PHF24: variants seen among roughly 807,000 people sequenced by gnomAD.
PHF24 encodes PHD finger protein 24.
In PHF24, 25 loss-of-function variants were observed where a neutral mutation model predicts 42.6. The ratio of observed to expected loss-of-function variants is 0.59; its 90% CI spans 0.43 to 0.82. PHF24 has a LOEUF of 0.82. Ranked by LOEUF, PHF24 falls within the 40% of genes least tolerant of loss-of-function variation. PHF24 has a pLI of 0.00. For synonymous variants in PHF24, 185 were observed against 204.8 expected (o/e 0.90, Z 0.83); for missense variants, 470 against 538.1 (o/e 0.87, Z 1.25).
At chr9:34,740,199 G>T in the PHF24 span, among the ~76,000 whole-genome samples, 2 of 152,236 alleles carry the variant, frequency 1.3e-5, no homozygotes, top group African/African-American at 4.8e-5. Flanking sequence ...CCGGGGCTGC[G>T]GGTGGAGCTG....
the PHF24 span, chr9:34,922,174 G>A: frequency 6.3e-7 from 1 of 1,583,564 alleles, no homozygotes; most frequent in Non-Finnish European, 8.6e-7. Context: ...GACAAAAGTT[G>A]GAAGGCCGGT....
the PHF24 span, chr9:34,833,625 A>G: frequency 3.7e-5 from 57 of 1,538,224 alleles, no homozygotes; most frequent in East Asian, 1.3e-3. Context: ...CTCAGGTGGA[A>G]GTTTAGTTTG....
the PHF24 span, among the ~76,000 whole-genome samples, chr9:34,727,586 A>G: frequency 1.3e-5 from 2 of 152,208 alleles, no homozygotes; most frequent in African/African-American, 2.4e-5. Flanking sequence ...ACAGAACCGG[A>G]GGAGGTCATG....
the PHF24 span, among the ~76,000 whole-genome samples, chr9:34,683,550 C>T: frequency 6.6e-6 from 1 of 152,226 alleles, no homozygotes; most frequent in Admixed American, 6.5e-5. Context: ...GGTGTAAACA[C>T]TCCAGCCCCA....
chr9:34,827,173 C>A, the PHF24 span, among the ~76,000 whole-genome samples: 2 of 152,300 alleles, frequency 1.3e-5, no homozygotes, highest in East Asian at 3.9e-4. Context: ...TGCATGCTAA[C>A]CCCTGGCTCC....
At chr9:34,758,517 G>A in the PHF24 span, among the ~76,000 whole-genome samples, 1 of 152,068 alleles carries the variant, frequency 6.6e-6, no homozygotes, top group Non-Finnish European at 1.5e-5. The surrounding 1 kb of genome is among the most constrained non-coding windows in gnomAD (Gnocchi z 4.4). Context: ...GCTGATCCTG[G>A]TCCCAGGTTC....
chr9:34,709,538 C>A, the PHF24 span: 8 of 1,614,186 alleles, frequency 5.0e-6, no homozygotes, highest in Non-Finnish European at 6.8e-6. Flanking sequence ...TCTTGCCAGT[C>A]TTGGAGGCCC....
At chr9:34,879,547 C>T in the PHF24 span, among the ~76,000 whole-genome samples, 1 of 152,142 alleles carries the variant, frequency 6.6e-6, no homozygotes, top group Non-Finnish European at 1.5e-5. Context: ...ACAGGAACTA[C>T]GTGACGTGTG....
the PHF24 span, among the ~76,000 whole-genome samples, chr9:34,942,676 G>A: frequency 1.3e-5 from 2 of 152,094 alleles, no homozygotes; most frequent in Non-Finnish European, 2.9e-5. Context: ...GAATGCCTTT[G>A]TCGATGAGTT....
chr9:34,862,704 C>A, the PHF24 span, among the ~76,000 whole-genome samples: 7 of 152,058 alleles, frequency 4.6e-5, no homozygotes, highest in Admixed American at 3.3e-4. Flanking sequence ...CGGTGAGACT[C>A]AGCGAATTCC....
chr9:34,837,064 A>G, the PHF24 span: 13 of 471,282 alleles, frequency 2.8e-5, no homozygotes, highest in Admixed American at 2.8e-4. Flanking sequence ...GCAATAGATC[A>G]CCTTTTCATG....
chr9:34,975,990 T>C (rs184400602), intron 3 of PHF24, among the ~76,000 whole-genome samples, 162 bp from the exon 4 acceptor site: 3 of 152,176 alleles, frequency 2.0e-5, no homozygotes, highest in African/African-American at 7.2e-5. Context: ...GGCCAAGTCC[T>C]TTCTCCTCTC....
the PHF24 span, among the ~76,000 whole-genome samples, chr9:34,801,689 T>C: frequency 2.0e-5 from 3 of 151,890 alleles, no homozygotes; most frequent in Admixed American, 6.6e-5. Context: ...GTCGCGCCAC[T>C]GCACTCCAGC....
the PHF24 span, among the ~76,000 whole-genome samples, chr9:34,881,668 T>A: frequency 6.6e-6 from 1 of 152,014 alleles, no homozygotes; most frequent in African/African-American, 2.4e-5. Context: ...CAGGAAGAAG[T>A]TGAATCTCTG....
chr9:34,893,247 T>C, the PHF24 span: 7 of 438,464 alleles, frequency 1.6e-5, no homozygotes, highest in Non-Finnish European at 2.8e-5. Flanking sequence ...TTCCCAGTCC[T>C]GAAAATCCTG....
the PHF24 span, among the ~76,000 whole-genome samples, chr9:34,797,264 T>C: frequency 2.6e-5 from 4 of 152,216 alleles, no homozygotes; most frequent in Admixed American, 2.0e-4. Context: ...GGGTATGTAT[T>C]ACAGAGTGCT....
chr9:34,724,057 T>G, the PHF24 span: 1 of 1,514,792 alleles, frequency 6.6e-7, no homozygotes, highest in Non-Finnish European at 8.9e-7. Flanking sequence ...CATCCCCTTC[T>G]CTGTGGTCCC....
the PHF24 span, among the ~76,000 whole-genome samples, chr9:34,845,941 A>G: frequency 6.6e-6 from 1 of 151,934 alleles, no homozygotes; most frequent in Non-Finnish European, 1.5e-5. Flanking sequence ...ATCGTTTTTT[A>G]TGGGTGCATA....
chr9:34,763,804 T>A, the PHF24 span, among the ~76,000 whole-genome samples: 1 of 152,252 alleles, frequency 6.6e-6, no homozygotes, highest in Non-Finnish European at 1.5e-5. Context: ...TTCCAGTTTT[T>A]GCCCATTCAG....
Sources: allele counts gnomAD v4.1 joint callset (sites outside exome capture counted in the v4.1 genomes callset), GRCh38; gene constraint gnomAD v4.1.1; non-coding constraint Gnocchi (gnomAD v3.1); transcripts MANE v1.5; gene names NCBI Gene and HGNC (gene_info 2026-07-23, HGNC 2026-07-21).